Variants in NPAS3 observed in about 807,000 individuals in gnomAD.
The protein encoded by NPAS3 is neuronal PAS domain-containing protein 3.
In NPAS3, 14 loss-of-function variants were observed where a neutral mutation model predicts 73.1. The observed-to-expected ratio is 0.19, with a 90% CI of 0.13 to 0.30. NPAS3 has a LOEUF of 0.30. Ranked by LOEUF, NPAS3 falls within the 10% of genes least tolerant of loss-of-function variation. NPAS3 has a pLI of 1.00. For synonymous variants in NPAS3, 620 were observed against 541.5 expected (o/e 1.14, Z -2.01); for missense variants, 1,096 against 1,250.0 (o/e 0.88, Z 1.86).
chr14:32,975,298 C>CT (rs1369890938), intron 1 of NPAS3, among the ~76,000 whole-genome samples: 1 of 17,438 alleles, frequency 5.7e-5, no homozygotes, highest in Non-Finnish European at 1.7e-4. Flanking sequence ...CCTTCCCTCC[C>CT]TCCCTCCCTG....
At chr14:33,541,195 G>A (rs773074492) in intron 4 of NPAS3, among the ~76,000 whole-genome samples, 32 of 151,648 alleles carry the variant, frequency 2.1e-4, no homozygotes, top group Non-Finnish European at 3.2e-4. Flanking sequence ...TGCAGCACTT[G>A]ATATCAGAGT....
chr14:33,545,541 A>G (rs1566990559), intron 4 of NPAS3, among the ~76,000 whole-genome samples: 1 of 152,206 alleles, frequency 6.6e-6, no homozygotes, highest in Non-Finnish European at 1.5e-5. Flanking sequence ...GCTCAGGTCT[A>G]TTTGAGTTCA....
chr14:33,276,642 TTGTAAAA>T (rs2041349016), intron 3 of NPAS3, among the ~76,000 whole-genome samples: 2 of 152,096 alleles, frequency 1.3e-5, no homozygotes, highest in Non-Finnish European at 2.9e-5. Flanking sequence ...GTTCCTTCCT[TTGTAAAA>T]TGAGTGTAAT....
At chr14:33,491,730 T>C (rs140531742) in intron 4 of NPAS3, among the ~76,000 whole-genome samples, 50 of 152,320 alleles carry the variant, frequency 3.3e-4, no homozygotes, top group African/African-American at 1.0e-3. Context: ...AATACTTTAT[T>C]CTACTTAAGC....
At chr14:33,669,545 AG>A (rs1338042104) in intron 5 of NPAS3, among the ~76,000 whole-genome samples, 21 of 152,178 alleles carry the variant, frequency 1.4e-4, no homozygotes, top group Non-Finnish European at 2.4e-4. Context: ...GGTGTGATGG[AG>A]GTATACCTGA....
intron 5 of NPAS3, among the ~76,000 whole-genome samples, chr14:33,627,225 T>C (rs778978649): frequency 4.6e-5 from 7 of 152,146 alleles, no homozygotes; most frequent in Non-Finnish European, 1.0e-4. Flanking sequence ...ATAACAAATG[T>C]GAGATCATGA....
At chr14:32,953,163 T>C (rs2036551072) in intron 1 of NPAS3, among the ~76,000 whole-genome samples, 1 of 150,564 alleles carries the variant, frequency 6.6e-6, no homozygotes, top group African/African-American at 2.4e-5. Context: ...GTTGGAAATA[T>C]CTACTCAGTG....
At chr14:33,723,819 A>T (rs964908627) in intron 6 of NPAS3, among the ~76,000 whole-genome samples, 1 of 152,182 alleles carries the variant, frequency 6.6e-6, no homozygotes, top group African/African-American at 2.4e-5. Context: ...TTCCTTCAAG[A>T]TGTCAGCTCA....
chr14:33,298,714 G>A (rs138195864), intron 3 of NPAS3, among the ~76,000 whole-genome samples: 149 of 152,224 alleles, frequency 9.8e-4, no homozygotes, highest in African/African-American at 3.3e-3. Flanking sequence ...GGAAGATAAT[G>A]TATAAGGGGA....
At chr14:33,522,355 A>G (rs1436726918) in intron 4 of NPAS3, among the ~76,000 whole-genome samples, 1 of 152,042 alleles carries the variant, frequency 6.6e-6, no homozygotes, top group Non-Finnish European at 1.5e-5. Flanking sequence ...TATTATTTGA[A>G]GTGCCACCGC....
chr14:33,275,351 A>G (rs1428858195), intron 3 of NPAS3, among the ~76,000 whole-genome samples: 1 of 152,194 alleles, frequency 6.6e-6, no homozygotes, highest in Non-Finnish European at 1.5e-5. Context: ...AAAAGGCTAC[A>G]TTCTTCTAAA....
exon 6 of NPAS3, chr14:33,676,254 G>A: frequency 5.6e-6 from 9 of 1,613,844 alleles, no homozygotes; most frequent in Non-Finnish European, 6.8e-6. Flanking sequence ...GTCCACCCCG[G>A]AGATCACGTG....
At chr14:33,409,093 T>C (rs1330597391) in intron 4 of NPAS3, among the ~76,000 whole-genome samples, 1 of 152,186 alleles carries the variant, frequency 6.6e-6, no homozygotes, top group African/African-American at 2.4e-5. Flanking sequence ...TTGAATTAAA[T>C]GCTTGACTTT....
intron 3 of NPAS3, among the ~76,000 whole-genome samples, chr14:33,263,684 G>A (rs1240284198): frequency 3.9e-5 from 6 of 152,032 alleles, no homozygotes; most frequent in Non-Finnish European, 8.8e-5. Flanking sequence ...TGATGGGGAT[G>A]GCATTGAATC....
intron 3 of NPAS3, among the ~76,000 whole-genome samples, chr14:33,285,563 A>T (rs546831898): frequency 6.6e-6 from 1 of 152,198 alleles, no homozygotes; most frequent in Non-Finnish European, 1.5e-5. Flanking sequence ...CCACACTTAC[A>T]GGTTAGTGAA....
At chr14:33,238,684 G>A (rs1386080945) in intron 3 of NPAS3, among the ~76,000 whole-genome samples, 3 of 151,978 alleles carry the variant, frequency 2.0e-5, no homozygotes, top group Admixed American at 2.0e-4. Context: ...AATCAAGGCT[G>A]TAAGGAAATT....
intron 4 of NPAS3, among the ~76,000 whole-genome samples, chr14:33,423,561 GTATA>G (rs1221467385): frequency 6.6e-6 from 1 of 151,882 alleles, no homozygotes; most frequent in African/African-American, 2.4e-5. Flanking sequence ...AAACATGTAT[GTATA>G]TATATCATGT....
intron 5 of NPAS3, among the ~76,000 whole-genome samples, chr14:33,630,226 G>A (rs2058340554): frequency 6.6e-6 from 1 of 152,134 alleles, no homozygotes; most frequent in Non-Finnish European, 1.5e-5. Flanking sequence ...TGATCTGTTT[G>A]GAGTGGATAA....
chr14:33,638,541 A>G (rs773791721), intron 5 of NPAS3, among the ~76,000 whole-genome samples: 2 of 152,244 alleles, frequency 1.3e-5, no homozygotes, highest in Non-Finnish European at 2.9e-5. Flanking sequence ...GATAAATCAT[A>G]TACATTTTGA....
Sources: gnomAD v4.1 joint callset for allele counts (sites outside exome capture counted in the v4.1 genomes callset) on GRCh38, gnomAD v4.1.1 for gene constraint, MANE v1.5 for transcripts, NCBI Gene and HGNC (gene_info 2026-07-23, HGNC 2026-07-21) for gene names.